Variants in VPS33A observed in about 807,000 individuals in gnomAD.
VPS33A encodes VPS33A core subunit of CORVET and HOPS complexes.
In VPS33A, 32 loss-of-function variants were observed where a neutral mutation model predicts 71.8. The ratio of observed to expected loss-of-function variants is 0.45; its 90% CI spans 0.34 to 0.60. The LOEUF (loss-of-function observed/expected upper bound fraction) is 0.60. Ranked by LOEUF, VPS33A falls within the 20% of genes least tolerant of loss-of-function variation. The probability of loss-of-function intolerance (pLI) is 0.02; values close to 1 mark genes in which losing one functional copy is unlikely to be tolerated. For missense variants in VPS33A, 625 were observed against 748.5 expected, an observed-to-expected ratio of 0.84 and a Z score of 1.92; for synonymous variants, 311 against 292.7, an observed-to-expected ratio of 1.06 and a Z score of -0.64.
At chr12:122,234,252 C>A (rs1172118664) in intron 11 of VPS33A, among the ~76,000 whole-genome samples, 1 of 152,164 alleles carries the variant, frequency 6.6e-6, no homozygotes, top group African/African-American at 2.4e-5. Context: ...CCTGATGGCC[C>A]TGCTTTTGCA....
chr12:122,259,006 A>C (rs1165636528), intron 4 of VPS33A, among the ~76,000 whole-genome samples: 1 of 151,112 alleles, frequency 6.6e-6, no homozygotes. Flanking sequence ...AAAAAAAAAA[A>C]AGACAGAATA....
At chr12:122,258,520 C>G (rs954556902) in intron 4 of VPS33A, among the ~76,000 whole-genome samples, 2 of 151,984 alleles carry the variant, frequency 1.3e-5, no homozygotes, top group Non-Finnish European at 1.5e-5. Flanking sequence ...ATAAAAATGA[C>G]AGAACCCAAT....
intron 3 of VPS33A, 129 bp from the exon 4 acceptor site, chr12:122,261,576 AC>A: frequency 1.2e-6 from 1 of 869,418 alleles, no homozygotes; most frequent in East Asian, 2.7e-5. Context: ...TCATATAAAT[AC>A]TGACTCTCAG....
chr12:122,251,968 C>T (rs1954850764), intron 4 of VPS33A, among the ~76,000 whole-genome samples: 1 of 151,456 alleles, frequency 6.6e-6, no homozygotes, highest in Non-Finnish European at 1.5e-5. Context: ...CACAAAACCA[C>T]CTGGGAAGGC....
At position 122,232,283 on chromosome 12, in the gene VPS33A, G is replaced by C; in HGVS notation, c.1754C>G (p.Thr585Ser). The C allele has an allele frequency of 6.2e-7, 1 of 1,613,912 alleles. No homozygotes were observed. Among genetic ancestry groups the C allele is most frequent in the Non-Finnish European group, 8.5e-7 (1 of 1,179,980 alleles). ...TTCCATCAGAGCCTCTATCCAACTG[G>C]TTCCATTCATTAGTTTAGTGGTGGC... is the stretch of plus-strand genomic sequence containing the variant. ...VIATTKLMNG[T>S]SWIEALMEKP... Residue 585 changes from threonine to serine, a missense_variant, in exon 13 of 13, where the codon ACC becomes AGC. Physicochemically the swap from Thr to Ser is moderately conservative, Grantham distance 58 (BLOSUM62 1). Transcript: ENST00000267199.
chr12:122,262,390 T>A (rs1480862105), intron 3 of VPS33A, among the ~76,000 whole-genome samples: 1 of 152,202 alleles, frequency 6.6e-6, no homozygotes, highest in African/African-American at 2.4e-5. Flanking sequence ...CAAATGGTTC[T>A]TCAACCAAAG....
chr12:122,233,621 C>T (rs1394325142), intron 11 of VPS33A, among the ~76,000 whole-genome samples: 1 of 152,160 alleles, frequency 6.6e-6, no homozygotes, highest in African/African-American at 2.4e-5. Context: ...AGGCATTAAT[C>T]CTACAGAGGT....
At chr12:122,262,181 ACT>A (rs1417064890) in intron 3 of VPS33A, among the ~76,000 whole-genome samples, 2 of 152,134 alleles carry the variant, frequency 1.3e-5, no homozygotes, top group African/African-American at 4.8e-5. Context: ...ACAGAGTGAG[ACT>A]GTGTCTCAAA....
chr12:122,265,822 A>C (rs1955060869), intron 1 of VPS33A: 5 of 422,350 alleles, frequency 1.2e-5, no homozygotes, highest in Non-Finnish European at 2.4e-5. Flanking sequence ...GCTACTAGAG[A>C]AGTTATACTG....
At chr12:122,262,198 T>C (rs1955004068) in intron 3 of VPS33A, among the ~76,000 whole-genome samples, 2 of 151,808 alleles carry the variant, frequency 1.3e-5, no homozygotes, top group East Asian at 3.9e-4. Flanking sequence ...CTCAAAAAAA[T>C]AACCAAAAAC....
chr12:122,249,763 A>T (rs1400346807), intron 6 of VPS33A, 108 bp downstream of exon 6: 23 of 1,108,178 alleles, frequency 2.1e-5, no homozygotes, highest in Non-Finnish European at 2.9e-5. Context: ...TTAAAATCGG[A>T]TCTCTGACTT....
rs146732823 is a variant in VPS33A at position 122,233,774 on chromosome 12, T to C, written c.1441-806A>G. ...AAATAAGGTATAGCCTCAAAACCACTATGTAGCAATTTAGAAAAATTAAAA... is the reference window on the plus strand; with the variant it reads ...AAATAAGGTATAGCCTCAAAACCACCATGTAGCAATTTAGAAAAATTAAAA... On this transcript the variant is annotated intron_variant, in intron 11 of 12. Coordinates refer to ENST00000267199, the MANE Select transcript of VPS33A (RefSeq NM_022916.6). Among the ~76,000 whole-genome samples, 1,332 of 152,216 alleles carry C rather than the reference T, an allele frequency of 8.8e-3. 18 individuals carry two copies. Among genetic ancestry groups the C allele is most frequent in the South Asian group, 0.031 (151 of 4,826 alleles).
rs756418102 is a variant in VPS33A at position 122,238,579 on chromosome 12, A to G, written c.1302+8T>C. 5.6e-6 allele frequency: 9 copies of G among 1,594,898 alleles called. No homozygotes were observed. The East Asian group carries it at 8.9e-5, about 16-fold the overall frequency. ...CTTGGCAAATTAATAATTTAAAAAT[A>G]TACTCACCTGGAGAATCTCTCTTTT... On this transcript the variant is annotated splice_region_variant and intron_variant, in intron 10 of 12. Transcript: ENST00000267199.
chr12:122,242,330 T>C (rs1954725591), intron 8 of VPS33A, 52 bp downstream of exon 8: 16 of 1,591,516 alleles, frequency 1.0e-5, no homozygotes, highest in South Asian at 2.2e-5. Flanking sequence ...GTGTCAAACG[T>C]TGTATGTGCA....
intron 5 of VPS33A, among the ~76,000 whole-genome samples, chr12:122,250,594 C>T (rs1254900526): frequency 6.6e-6 from 1 of 152,192 alleles, no homozygotes; most frequent in Non-Finnish European, 1.5e-5. Flanking sequence ...AGACACCCGA[C>T]TGCACCTCAG....
chr12:122,264,382 T>C (rs1938774679), intron 1 of VPS33A, among the ~76,000 whole-genome samples, 183 bp from the exon 2 acceptor site: 1 of 152,104 alleles, frequency 6.6e-6, no homozygotes, highest in African/African-American at 2.4e-5. Context: ...TAAAAATTTT[T>C]TGGGGTTTTG....
At chr12:122,266,182 C>G in intron 1 of VPS33A, 125 bp downstream of exon 1, 1 of 1,406,702 alleles carries the variant, frequency 7.1e-7, no homozygotes, top group South Asian at 1.4e-5. Flanking sequence ...TAAAAGGGCC[C>G]TGAGGCTCGC....
chr12:122,241,706 C>T (rs1041786235), intron 8 of VPS33A, among the ~76,000 whole-genome samples: 2 of 151,578 alleles, frequency 1.3e-5, no homozygotes, highest in Non-Finnish European at 2.9e-5. Context: ...GATTCTCATG[C>T]CTCAACCTCC....
chr12:122,251,180 C>A (rs1293308000), intron 4 of VPS33A, 81 bp from the exon 5 acceptor site: 1 of 888,826 alleles, frequency 1.1e-6, no homozygotes, highest in South Asian at 1.5e-5. Context: ...TGGGGTGCAG[C>A]GACAGACAAT....
Sources: allele counts gnomAD v4.1 joint callset (sites outside exome capture counted in the v4.1 genomes callset), GRCh38; gene constraint gnomAD v4.1.1; transcripts MANE v1.5; gene names NCBI Gene and HGNC (gene_info 2026-07-23, HGNC 2026-07-21).